The following PCDHA6 variants were observed in gnomAD, a reference collection of about 807,000 sequenced individuals.
The protein encoded by PCDHA6 is protocadherin alpha-6.
A neutral mutation model predicts 60.3 loss-of-function variants in PCDHA6; 55 were observed. That is an observed-to-expected ratio of 0.91 (90% CI 0.73 to 1.14). PCDHA6 has a LOEUF of 1.14. Ranked by LOEUF, PCDHA6 falls within the 50% of genes most tolerant of loss-of-function variation. PCDHA6 has a pLI of 0.00. For missense variants in PCDHA6, 1,327 were observed against 1,256.5 expected (o/e 1.06, Z -0.85); for synonymous variants, 652 against 557.9 (o/e 1.17, Z -2.38).
chr5:140,884,247 CG>C (rs1220799816), intron 1 of PCDHA6: 1 of 1,613,280 alleles, frequency 6.2e-7, no homozygotes, highest in Non-Finnish European at 8.5e-7. Flanking sequence ...CCCGCGCTGA[CG>C]GCCACGGCAA....
chr5:140,887,885 A>G (rs1281444456), intron 1 of PCDHA6, among the ~76,000 whole-genome samples: 1 of 152,144 alleles, frequency 6.6e-6, no homozygotes, highest in Non-Finnish European at 1.5e-5. Context: ...TTGTAGTATC[A>G]TATCTGTTAA....
rs200153004 is a variant in PCDHA6 at position 140,870,042 on chromosome 5, G to A, written c.2394+39557G>A. 5 of 1,613,712 alleles carry A rather than the reference G, an allele frequency of 3.1e-6. No homozygotes were observed. In the East Asian group the frequency reaches 6.7e-5, roughly 22 times the overall value. On this transcript the variant is annotated intron_variant, in intron 1 of 3. Coordinates refer to ENST00000529310, the MANE Select transcript of PCDHA6 (RefSeq NM_018909.4). The stretch of plus-strand genomic sequence containing the variant: ...GAACTTTAGATTATGAAGAAAACAA[G>A]TTTTATAAAATTGAAGTACAGGCTA...
intron 1 of PCDHA6, chr5:140,866,744 A>G (rs980107592): frequency 1.3e-5 from 2 of 152,180 alleles, no homozygotes; most frequent in African/African-American, 2.4e-5. Flanking sequence ...TAATACTTAT[A>G]TGACTAACAG....
chr5:140,871,565 G>T, intron 1 of PCDHA6: 2 of 1,483,114 alleles, frequency 1.3e-6, no homozygotes, highest in South Asian at 2.7e-5. Context: ...TTTTTTTCAC[G>T]GATTTTTTAA....
chr5:140,829,542 C>A lies in PCDHA6; in HGVS notation c.1451C>A (p.Ala484Glu). 6.2e-7 allele frequency: 1 copy of A among 1,612,968 alleles called. No individual in the cohort carries two copies. Among genetic ancestry groups the A allele is most frequent in the South Asian group, 1.1e-5 (1 of 91,032 alleles). Residue 484 changes from alanine to glutamate, a missense_variant, in exon 1 of 4, where the codon GCG becomes GAG. Transcript: ENST00000529310. ...ACGGTGTCTGCGCGAGACGCGGACG[C>A]GCAGGAGAACGCGCTGGTGTCCTAC... ...IFTVSARDAD[A>E]QENALVSYSL...
chr5:140,887,540 C>T (rs1039020160), intron 1 of PCDHA6, among the ~76,000 whole-genome samples: 1 of 152,100 alleles, frequency 6.6e-6, no homozygotes. Flanking sequence ...CTCTCCCCAC[C>T]CCTCATGGTT....
At chr5:140,842,812 G>A in intron 1 of PCDHA6, 1 of 1,594,038 alleles carries the variant, frequency 6.3e-7, no homozygotes, top group Non-Finnish European at 8.6e-7. Flanking sequence ...TTGTGGAGCG[G>A]CGGGTGGGCG....
chr5:140,972,316 G>GTT (rs112435719), intron 1 of PCDHA6, among the ~76,000 whole-genome samples: 1 of 139,858 alleles, frequency 7.2e-6, no homozygotes, highest in Non-Finnish European at 1.6e-5. Flanking sequence ...GTTTTTAGGT[G>GTT]TTTTTTTTTT....
chr5:140,828,147 T>C lies in PCDHA6; in HGVS notation c.56T>C (p.Leu19Pro), dbSNP rs1554131033. The change falls in exon 1 of 4, where the codon CTG becomes CCG. Residue 19 changes from leucine (L) to proline (P), a missense_variant. Physicochemically the swap from Leu to Pro is moderately conservative, Grantham distance 98. Transcript: ENST00000529310. Reference protein sequence around the residue: ...LGKQCLLLPLLLLAAWKVGSG... With the variant: ...LGKQCLLLPLPLLAAWKVGSG... ...AAGCAATGTCTGCTCCTCCCGCTTC[T>C]GCTCCTCGCAGCCTGGAAGGTGGGG... is the stretch of plus-strand genomic sequence containing the variant. 4 of 1,614,128 alleles carry C rather than the reference T, an allele frequency of 2.5e-6. No homozygotes were observed. Among genetic ancestry groups the C allele is most frequent in the African/African-American group, 1.3e-5 (1 of 75,078 alleles).
chr5:140,965,496 ATTT>A (rs71766133), intron 1 of PCDHA6, among the ~76,000 whole-genome samples: 1 of 146,428 alleles, frequency 6.8e-6, no homozygotes. Flanking sequence ...ATGACAGCAG[ATTT>A]TTTTTTTTTT....
At chr5:140,892,666 A>G (rs2063614919) in intron 1 of PCDHA6, among the ~76,000 whole-genome samples, 1 of 152,170 alleles carries the variant, frequency 6.6e-6, no homozygotes, top group Admixed American at 6.6e-5. Flanking sequence ...TGACATTTTG[A>G]TACATATATA....
In PCDHA6 at chr5:141,011,378, C is replaced by T. The variant is rs1419825590; in HGVS notation, c.*1441C>T. 1 of 153,742 alleles carries T rather than the reference C, an allele frequency of 6.5e-6. No individual in the cohort carries two copies. Among genetic ancestry groups the T allele is most frequent in the African/African-American group, 2.4e-5 (1 of 41,460 alleles). The allele number at this position is 153,742 out of a possible 1,614,324, so 9.5% of individuals were successfully genotyped here. Reference sequence around the variant, plus strand: ...ATGTATGCTGTATGCTATGCTAAGACTCCTGAAATATACTTACTCTGTGCT... The same window carrying T: ...ATGTATGCTGTATGCTATGCTAAGATTCCTGAAATATACTTACTCTGTGCT... On this transcript the variant is annotated 3_prime_UTR_variant, in exon 4 of 4. Coordinates refer to ENST00000529310, the MANE Select transcript of PCDHA6 (RefSeq NM_018909.4).
Position 140,828,935 on chromosome 5 carries a change from A to T in PCDHA6, c.844A>T (p.Asn282Tyr), listed in dbSNP as rs2150160938. The T allele has an allele frequency of 3.7e-6, 6 of 1,614,120 alleles. No individual in the cohort carries two copies. In the African/African-American group the frequency reaches 8.0e-5, roughly 22 times the overall value. ...GAATGGGGCAATTTCATATTCTTTTAATAGCCTTGTTGCAGCCATGGTTAT... is the reference window on the plus strand; with the variant it reads ...GAATGGGGCAATTTCATATTCTTTTTATAGCCTTGTTGCAGCCATGGTTAT... ...GANGAISYSF[N>Y]SLVAAMVIDH... Residue 282 changes from asparagine (N) to tyrosine (Y), a missense_variant, in exon 1 of 4, where the codon AAT becomes TAT. Asn to Tyr is a moderately radical substitution (Grantham distance 143). Transcript: ENST00000529310.
intron 1 of PCDHA6, chr5:140,926,951 G>A: frequency 3.8e-6 from 6 of 1,596,266 alleles, no homozygotes; most frequent in South Asian, 1.1e-5. Context: ...GCTGCAGCGG[G>A]ACAGCTCGAG....
chr5:140,900,496 C>G (rs1476220010), intron 1 of PCDHA6, among the ~76,000 whole-genome samples: 2 of 152,212 alleles, frequency 1.3e-5, no homozygotes, highest in Admixed American at 6.5e-5. Flanking sequence ...AGACTGGTCT[C>G]AAATTCCCAG....
chr5:140,857,463 A>G (rs782545869), intron 1 of PCDHA6: 3 of 1,598,592 alleles, frequency 1.9e-6, no homozygotes, highest in Non-Finnish European at 2.6e-6. Context: ...CCAGGCTGCC[A>G]CATCTTCACG....
intron 1 of PCDHA6, among the ~76,000 whole-genome samples, chr5:140,919,051 T>G (rs1443609855): frequency 1.3e-5 from 2 of 152,238 alleles, no homozygotes; most frequent in Non-Finnish European, 2.9e-5. Flanking sequence ...TTATTGGAAG[T>G]GGAGTATTAA....
At chr5:140,987,722 T>C (rs2097265966) in intron 3 of PCDHA6, among the ~76,000 whole-genome samples, 1 of 152,204 alleles carries the variant, frequency 6.6e-6, no homozygotes, top group Admixed American at 6.5e-5. Context: ...GAGTCTATCC[T>C]ACAGCTTCAA....
At chr5:140,876,207 C>A (rs251377) in intron 1 of PCDHA6, 776,282 of 1,613,510 alleles carry the variant, frequency 0.48, 188,573 homozygotes, top group South Asian at 0.57. Flanking sequence ...TTGATAAGCC[C>A]AGCTATAAAG....
Sources: allele counts gnomAD v4.1 joint callset (sites outside exome capture counted in the v4.1 genomes callset), GRCh38; gene constraint gnomAD v4.1.1; transcripts MANE v1.5; gene names NCBI Gene and HGNC (gene_info 2026-07-23, HGNC 2026-07-21).